The following PTPRD variants were observed in gnomAD, a reference collection of about 807,000 sequenced individuals.
The protein encoded by PTPRD is receptor-type tyrosine-protein phosphatase delta.
PTPRD carries 34 observed loss-of-function variants against 214.5 expected under a neutral mutation model. The ratio of observed to expected loss-of-function variants is 0.16; its 90% CI spans 0.12 to 0.21. PTPRD has a LOEUF of 0.21. Among genes scored for constraint, PTPRD ranks in the 10% least tolerant of loss-of-function variants. The pLI is 1.00. For missense variants in PTPRD, 2,545 were observed against 2,398.7 expected (o/e 1.06, Z -1.27); for synonymous variants, 1,128 against 845.7 (o/e 1.33, Z -5.79).
Position 8,779,897 on chromosome 9 carries a change from G to T in PTPRD, c.-103-45951C>A, listed in dbSNP as rs138882036. On this transcript the variant is annotated intron_variant, in intron 11 of 45. Coordinates refer to ENST00000381196, the MANE Select transcript of PTPRD (RefSeq NM_002839.4). ...CAAGAGATGTCATTTATCTTACAAA[G>T]ACTCTAATTCCATTGGATTTTGATT... 2.7e-3 allele frequency among the ~76,000 whole-genome samples: 396 copies of T among 145,234 alleles called. 2 individuals carry two copies. The highest frequency in any genetic ancestry group is 9.7e-3 in the African/African-American group (381 of 39,422).
At chr9:10,407,937 G>A (rs1313833369) in intron 2 of PTPRD, among the ~76,000 whole-genome samples, 1 of 151,288 alleles carries the variant, frequency 6.6e-6, no homozygotes, top group Non-Finnish European at 1.5e-5. Flanking sequence ...GGAAACTTTT[G>A]GAAGAAGGCG....
chr9:9,643,581 C>A (rs944428993), intron 7 of PTPRD, among the ~76,000 whole-genome samples: 2 of 152,070 alleles, frequency 1.3e-5, no homozygotes, highest in African/African-American at 4.8e-5. Context: ...AGCATCCTCA[C>A]CTTATAAAAT....
intron 11 of PTPRD, among the ~76,000 whole-genome samples, chr9:8,822,383 C>A (rs2097088242): frequency 6.6e-6 from 1 of 152,140 alleles, no homozygotes; most frequent in South Asian, 2.1e-4. Flanking sequence ...TGTTAAAGTA[C>A]AAACCAATAT....
At chr9:10,169,371 G>C (rs1271183215) in intron 3 of PTPRD, among the ~76,000 whole-genome samples, 1 of 150,874 alleles carries the variant, frequency 6.6e-6, no homozygotes, top group Non-Finnish European at 1.5e-5. Context: ...CTACCTGGGA[G>C]GCTGAGGCAG....
intron 7 of PTPRD, among the ~76,000 whole-genome samples, chr9:9,712,148 A>C (rs2097747583): frequency 6.6e-6 from 1 of 152,130 alleles, no homozygotes; most frequent in African/African-American, 2.4e-5. Context: ...AAATTATAAC[A>C]ATAAGAGTAT....
intron 11 of PTPRD, among the ~76,000 whole-genome samples, chr9:8,788,821 T>G (rs2096104390): frequency 6.6e-6 from 1 of 152,216 alleles, no homozygotes; most frequent in Non-Finnish European, 1.5e-5. Context: ...TACTCAGGAA[T>G]TGATGCAATG....
At chr9:10,191,959 T>C (rs770259373) in intron 3 of PTPRD, among the ~76,000 whole-genome samples, 2 of 152,188 alleles carry the variant, frequency 1.3e-5, no homozygotes, top group Non-Finnish European at 2.9e-5. Context: ...AAGCTGATGA[T>C]GGTGGTTAGC....
rs921335908 is a variant in PTPRD, at chr9:10,179,430, T to C, written c.-544-145640A>G. Among the ~76,000 whole-genome samples, 9 of 152,186 alleles carry C rather than the reference T, an allele frequency of 5.9e-5. No homozygotes were observed. In the South Asian group the frequency reaches 1.9e-3, roughly 32 times the overall value. On this transcript the variant is annotated intron_variant, in intron 3 of 45. Transcript: ENST00000381196. Reference sequence around the variant, plus strand: ...AGGTGAATAAAGAAGTTAGTAAATTTACTTTTGTCTAAATGAACAATAGTA... The same window carrying C: ...AGGTGAATAAAGAAGTTAGTAAATTCACTTTTGTCTAAATGAACAATAGTA...
intron 3 of PTPRD, among the ~76,000 whole-genome samples, chr9:10,061,574 AT>A (rs1242068509): frequency 6.6e-6 from 1 of 152,064 alleles, no homozygotes; most frequent in Non-Finnish European, 1.5e-5. Context: ...TGAATCTTAT[AT>A]TGTCTTCTAT....
intron 8 of PTPRD, among the ~76,000 whole-genome samples, chr9:9,435,335 A>G (rs1475373214): frequency 6.7e-6 from 1 of 149,106 alleles, no homozygotes; most frequent in East Asian, 2.0e-4. Flanking sequence ...ACATAGTGAG[A>G]ACCCCCCCAC....
At position 9,037,707 on chromosome 9, in the gene PTPRD, GC is replaced by G. The variant is rs1428605269; in HGVS notation, c.-142-18973del. Among the ~76,000 whole-genome samples the G allele has an allele frequency of 2.0e-5, 3 of 152,236 alleles. No individual in the cohort carries two copies. The East Asian group carries it at 5.8e-4, about 29-fold the overall frequency. On this transcript the variant is annotated intron_variant, in intron 10 of 45. Transcript: ENST00000381196. ...ATCAGATGGTACAGAAAGGTGTCCA[GC>G]AAAAATGGCCACAGGGAAATCCACA...
chr9:8,554,739 A>C (rs2083211435), intron 14 of PTPRD, among the ~76,000 whole-genome samples: 1 of 152,224 alleles, frequency 6.6e-6, no homozygotes, highest in Non-Finnish European at 1.5e-5. Flanking sequence ...ACGTTTGTTT[A>C]TTTTGACCTG....
chr9:9,240,982 G>A (rs1037932696), intron 9 of PTPRD, among the ~76,000 whole-genome samples: 2 of 152,078 alleles, frequency 1.3e-5, no homozygotes, highest in East Asian at 1.9e-4. Flanking sequence ...AAAGAACTCT[G>A]AAATGTACAG....
chr9:8,590,382 T>G (rs961872311), intron 14 of PTPRD, among the ~76,000 whole-genome samples: 1 of 152,174 alleles, frequency 6.6e-6, no homozygotes, highest in Admixed American at 6.5e-5. Context: ...TGCATGGTTG[T>G]GTGCTATATC....
intron 5 of PTPRD, among the ~76,000 whole-genome samples, chr9:9,885,296 G>A (rs767777152): frequency 6.6e-6 from 1 of 152,072 alleles, no homozygotes; most frequent in Non-Finnish European, 1.5e-5. Context: ...GTTTCTCAAA[G>A]TAAGATAAGG....
intron 9 of PTPRD, among the ~76,000 whole-genome samples, chr9:9,325,218 A>G (rs1969299306): frequency 1.3e-5 from 2 of 152,186 alleles, no homozygotes; most frequent in South Asian, 2.1e-4. Context: ...GTTTTCTCCA[A>G]TTCTGTGAAG....
chr9:10,254,071 CA>C (rs2093030597), intron 3 of PTPRD, among the ~76,000 whole-genome samples: 1 of 152,162 alleles, frequency 6.6e-6, no homozygotes, highest in Admixed American at 6.5e-5. Flanking sequence ...GCAAATTTTG[CA>C]AAAGGAGCTA....
intron 11 of PTPRD, among the ~76,000 whole-genome samples, chr9:8,991,056 A>T (rs2099364461): frequency 6.9e-6 from 1 of 144,492 alleles, no homozygotes; most frequent in South Asian, 2.2e-4. Flanking sequence ...CTCTACCAAA[A>T]ATAAAAAAAA....
chr9:8,750,626 CAAG>C (rs545824549), intron 11 of PTPRD, among the ~76,000 whole-genome samples: 154 of 152,252 alleles, frequency 1.0e-3, no homozygotes, highest in Middle Eastern at 6.8e-3. Context: ...ACCTGAATGA[CAAG>C]AAGAAATGCA....
Sources: allele counts gnomAD v4.1 joint callset (sites outside exome capture counted in the v4.1 genomes callset), GRCh38; gene constraint gnomAD v4.1.1; transcripts MANE v1.5; gene names NCBI Gene and HGNC (gene_info 2026-07-23, HGNC 2026-07-21).